The following DYNLT2B variants were observed in gnomAD, a reference collection of about 807,000 sequenced individuals.
DYNLT2B encodes dynein light chain Tctex-type protein 2B.
Under a neutral mutation model 19.5 loss-of-function variants are expected in DYNLT2B, and 14 were observed. The ratio of observed to expected loss-of-function variants is 0.72; its 90% CI spans 0.47 to 1.12. The LOEUF (loss-of-function observed/expected upper bound fraction) is 1.12. Among genes scored for constraint, DYNLT2B ranks in the 50% most tolerant of loss-of-function variants. The pLI, the probability that DYNLT2B is intolerant of heterozygous loss-of-function variation, is 0.00. For synonymous variants in DYNLT2B, 70 were observed against 59.7 expected (o/e 1.17, Z -0.79); for missense variants, 133 against 174.7 (o/e 0.76, Z 1.35).
chr3:196,317,993 G>A (rs758817714), intron 1 of DYNLT2B, 47 bp downstream of exon 1: 1 of 1,268,588 alleles, frequency 7.9e-7, no homozygotes, highest in South Asian at 1.6e-5. Flanking sequence ...CCGCCCCTCA[G>A]ACCAGCGCGC....
intron 3 of DYNLT2B, among the ~76,000 whole-genome samples, chr3:196,303,103 G>T (rs1330999417): frequency 1.3e-5 from 2 of 152,050 alleles, no homozygotes; most frequent in Non-Finnish European, 2.9e-5. Flanking sequence ...GCACCACCCA[G>T]ATGGATAAAC....
At chr3:196,313,958 C>T (rs970769131) in intron 2 of DYNLT2B, among the ~76,000 whole-genome samples, 1 of 152,006 alleles carries the variant, frequency 6.6e-6, no homozygotes, top group Non-Finnish European at 1.5e-5. Context: ...ATTAGCCGGG[C>T]ATGGTGGCAC....
rs753282035 is a variant in DYNLT2B at position 196,318,190 on chromosome 3, G to A, written c.-38C>T. On this transcript the variant is annotated 5_prime_UTR_variant, in exon 1 of 5. Coordinates refer to ENST00000325318, the MANE Select transcript of DYNLT2B (RefSeq NM_152773.5). ...CGGTCCGGGCGTAGCTCGCGATGAA[G>A]GCCTAGCGGGTTGCGGTCGCGGCCG... is the stretch of plus-strand genomic sequence containing the variant. 2 of 1,288,434 alleles carry A rather than the reference G, an allele frequency of 1.6e-6. No individual in the cohort carries two copies. The highest frequency in any genetic ancestry group is 1.4e-5 in the South Asian group (1 of 71,256). 79.8% of individuals were successfully genotyped at this position (1,288,434 alleles called of 1,614,324 possible).
intron 2 of DYNLT2B, among the ~76,000 whole-genome samples, chr3:196,309,664 G>A (rs1418713201): frequency 6.6e-6 from 1 of 151,820 alleles, no homozygotes; most frequent in Non-Finnish European, 1.5e-5. Flanking sequence ...CTGTGTAAGA[G>A]AAAAAATTTG....
intron 1 of DYNLT2B, 104 bp from the exon 2 acceptor site, chr3:196,316,335 CTTCT>C: frequency 8.6e-7 from 1 of 1,160,314 alleles, no homozygotes. Flanking sequence ...CCACTTAATC[CTTCT>C]TTTTCATATT....
At chr3:196,306,853 G>T in intron 3 of DYNLT2B, 90 bp downstream of exon 3, 6 of 1,227,330 alleles carry the variant, frequency 4.9e-6, no homozygotes, top group Non-Finnish European at 7.2e-6. Context: ...TCTCACTCTT[G>T]TAAAGGCACT....
In DYNLT2B at chr3:196,306,315, C is replaced by A. The variant is rs1243513051; in HGVS notation, c.317+628G>T. 6.7e-5 allele frequency among the ~76,000 whole-genome samples: 10 copies of A among 149,790 alleles called. No individual in the cohort carries two copies. In the East Asian group the frequency reaches 1.2e-3, roughly 18 times the overall value. ...TGGTGGTGCACACCTGCAGTCCCAG[C>A]TACTCAGGAGGCTGAGGCAGGAGGA... On this transcript the variant is annotated intron_variant, in intron 3 of 4. Transcript: ENST00000325318.
intron 2 of DYNLT2B, among the ~76,000 whole-genome samples, chr3:196,309,116 AAAG>A (rs1230728625): frequency 3.3e-5 from 5 of 152,246 alleles, no homozygotes; most frequent in Non-Finnish European, 5.9e-5. Context: ...AAAGAGTAAC[AAAG>A]AAGAACAAAG....
intron 3 of DYNLT2B, among the ~76,000 whole-genome samples, chr3:196,297,036 A>G (rs1325983795): frequency 2.0e-5 from 3 of 151,912 alleles, no homozygotes; most frequent in African/African-American, 7.3e-5. Flanking sequence ...TACTAAAAAT[A>G]CAAAAAATTA....
At chr3:196,308,892 A>C (rs1261210995) in intron 2 of DYNLT2B, among the ~76,000 whole-genome samples, 2 of 152,168 alleles carry the variant, frequency 1.3e-5, no homozygotes, top group Non-Finnish European at 2.9e-5. Flanking sequence ...AAATAGTCTC[A>C]GATATGGTGG....
chr3:196,298,799 G>C (rs1455819817), intron 3 of DYNLT2B, among the ~76,000 whole-genome samples: 7 of 152,186 alleles, frequency 4.6e-5, no homozygotes, highest in African/African-American at 1.7e-4. Flanking sequence ...TGCCAATTCA[G>C]GGCACAGGGC....
chr3:196,307,128 G>A (rs1265334437), intron 2 of DYNLT2B, 116 bp from the exon 3 acceptor site: 5 of 843,036 alleles, frequency 5.9e-6, no homozygotes, highest in South Asian at 1.6e-5. Context: ...TAATGAATAT[G>A]GTGGTAAGCT....
chr3:196,305,139 T>TAA (rs2108794063), intron 3 of DYNLT2B, among the ~76,000 whole-genome samples: 1 of 151,980 alleles, frequency 6.6e-6, no homozygotes, highest in South Asian at 2.1e-4. Context: ...CTGCCTCAGC[T>TAA]TCCCAAAGTG....
At chr3:196,305,027 C>T (rs1372099457) in intron 3 of DYNLT2B, among the ~76,000 whole-genome samples, 5 of 152,014 alleles carry the variant, frequency 3.3e-5, no homozygotes, top group Non-Finnish European at 5.9e-5. Flanking sequence ...GGACCACAGG[C>T]GTGTGCCACC....
chr3:196,306,095 T>A (rs573572117), intron 3 of DYNLT2B, among the ~76,000 whole-genome samples: 36 of 151,970 alleles, frequency 2.4e-4, no homozygotes, highest in Non-Finnish European at 4.6e-4. Context: ...CTTGTTTGAA[T>A]CTTAATTTGA....
At chr3:196,315,529 G>A (rs1726762814) in intron 2 of DYNLT2B, among the ~76,000 whole-genome samples, 1 of 151,450 alleles carries the variant, frequency 6.6e-6, no homozygotes, top group Non-Finnish European at 1.5e-5. Flanking sequence ...CCAAAGTGCT[G>A]CGATTACAGG....
intron 1 of DYNLT2B, among the ~76,000 whole-genome samples, chr3:196,316,703 T>C (rs1726805364): frequency 1.3e-5 from 2 of 152,196 alleles, no homozygotes; most frequent in South Asian, 4.1e-4. Flanking sequence ...GAAATTTGTA[T>C]CACTTTTTCT....
Position 196,304,259 on chromosome 3 carries a change from G to A in DYNLT2B, c.317+2684C>T, listed in dbSNP as rs1577389730. Among the ~76,000 whole-genome samples the A allele has an allele frequency of 1.3e-5, 2 of 152,010 alleles. 1 individual carries two copies. The highest frequency in any genetic ancestry group is 1.3e-4 in the Admixed American group (2 of 15,226). On this transcript the variant is annotated intron_variant, in intron 3 of 4. Coordinates refer to ENST00000325318, the MANE Select transcript of DYNLT2B (RefSeq NM_152773.5). ...GCAATTCTCCTGCCTCAGCCTCCAAGTGGCTGGGGTTACAGGTGTGCACCA... is the reference window on the plus strand; with the variant it reads ...GCAATTCTCCTGCCTCAGCCTCCAAATGGCTGGGGTTACAGGTGTGCACCA...
At chr3:196,293,906 G>A (rs1306617767) in intron 4 of DYNLT2B, among the ~76,000 whole-genome samples, 4 of 151,004 alleles carry the variant, frequency 2.6e-5, no homozygotes, top group African/African-American at 9.7e-5. Flanking sequence ...GCCTCCCAGA[G>A]TGCTGGGATT....
Sources: gnomAD v4.1 joint callset for allele counts (sites outside exome capture counted in the v4.1 genomes callset) on GRCh38, gnomAD v4.1.1 for gene constraint, MANE v1.5 for transcripts, NCBI Gene and HGNC (gene_info 2026-07-23, HGNC 2026-07-21) for gene names.